Variants in MEI4 observed in about 807,000 individuals in gnomAD.
MEI4 encodes the protein meiotic double-stranded break formation protein 4.
A neutral mutation model predicts 31.4 loss-of-function variants in MEI4; 27 were observed. The ratio of observed to expected loss-of-function variants is 0.86; its 90% confidence interval spans 0.63 to 1.19. MEI4 has a LOEUF of 1.19. MEI4 is among the 50% of genes most tolerant of loss of function. The pLI, the probability that MEI4 is intolerant of heterozygous loss-of-function variation, is 0.00. For synonymous variants in MEI4, 122 were observed against 145.4 expected (o/e 0.84, Z 1.16); for missense variants, 329 against 398.9 (o/e 0.82, Z 1.49).
At chr6:77,716,819 AAGG>A (rs1255228441) in intron 2 of MEI4, 8 of 956,492 alleles carry the variant, frequency 8.4e-6, no homozygotes, top group Non-Finnish European at 1.0e-5. Context: ...GAAGTTGAAC[AAGG>A]AGAATATTTT....
At position 77,838,837 on chromosome 6, in the gene MEI4, AG is replaced by A. The variant is rs1356930602; in HGVS notation, c.900+9777del. Reference sequence around the variant, plus strand: ...AGAATCACTTGAACCCAGGAGGCAGAGGTTGCTGTGAACTGAGATCGTGCCA... The same window carrying A: ...AGAATCACTTGAACCCAGGAGGCAGAGTTGCTGTGAACTGAGATCGTGCCA... On this transcript the variant is annotated intron_variant, in intron 4 of 4. Transcript: ENST00000684080. Among the ~76,000 whole-genome samples the A allele has an allele frequency of 5.3e-5, 8 of 152,028 alleles. No homozygotes were observed. The East Asian group carries it at 7.8e-4, about 15-fold the overall frequency.
chr6:77,845,714 T>C (rs1770465790), intron 4 of MEI4, among the ~76,000 whole-genome samples: 3 of 152,164 alleles, frequency 2.0e-5, no homozygotes. Context: ...TAATCTACTT[T>C]TATTATGTAT....
intron 2 of MEI4, among the ~76,000 whole-genome samples, chr6:77,733,528 A>G (rs142362020): frequency 0.011 from 1,688 of 151,250 alleles, 42 homozygotes; most frequent in African/African-American, 0.039. Context: ...TTTTTTCTTT[A>G]TTAGTCTTGC....
At chr6:77,730,662 AC>A (rs1766957103) in intron 2 of MEI4, among the ~76,000 whole-genome samples, 1 of 151,804 alleles carries the variant, frequency 6.6e-6, no homozygotes, top group Non-Finnish European at 1.5e-5. Context: ...GTTTTAGGGT[AC>A]ACGTGCACAA....
chr6:77,702,557 T>C (rs2127657034), intron 2 of MEI4, among the ~76,000 whole-genome samples: 1 of 152,338 alleles, frequency 6.6e-6, no homozygotes, highest in South Asian at 2.1e-4. Context: ...TCTGCATTTC[T>C]CTCCATTCCT....
intron 4 of MEI4, among the ~76,000 whole-genome samples, chr6:77,841,333 A>ATATTTTCT: frequency 3.6e-5 from 1 of 27,748 alleles, no homozygotes; most frequent in Non-Finnish European, 5.2e-5. Context: ...ATATATATAT[A>ATATTTTCT]TTTTTTTTTT....
chr6:77,667,501 A>G (rs145470180), intron 1 of MEI4, among the ~76,000 whole-genome samples: 1 of 152,252 alleles, frequency 6.6e-6, no homozygotes, highest in Non-Finnish European at 1.5e-5. Context: ...ACAACCCTTT[A>G]TCATTTGGCA....
At position 77,871,561 on chromosome 6, in the gene MEI4, G is replaced by A. The variant is rs75184137; in HGVS notation, c.900+42499G>A. On this transcript the variant is annotated intron_variant, in intron 4 of 4. Transcript: ENST00000684080. ...AGACTACTAGCAGGGAGAGAGGGAG[G>A]AGGGCAAGGGCTGAAAAACTATCTA... Among the ~76,000 whole-genome samples the A allele has an allele frequency of 4.3e-3, 658 of 152,136 alleles. 2 individuals are homozygous for A. The highest frequency in any genetic ancestry group is 0.017 in the Middle Eastern group (5 of 294).
chr6:77,721,837 T>C lies in MEI4; in HGVS notation c.232+30934T>C, dbSNP rs1177862342. ...ATCAGATGCTATTGCCAGTCCAGCA[T>C]TGGCAACCTCTGCTTGCAGAAATGT... On this transcript the variant is annotated intron_variant, in intron 2 of 4. Coordinates refer to ENST00000684080, the MANE Select transcript of MEI4 (RefSeq NM_001322247.2). Among the ~76,000 whole-genome samples, 15 of 83,332 alleles carry C rather than the reference T, an allele frequency of 1.8e-4. No homozygotes were observed. In the East Asian group the frequency reaches 4.9e-3, roughly 27 times the overall value. 54.7% of individuals were successfully genotyped at this position (83,332 alleles called of 152,430 possible).
intron 3 of MEI4, among the ~76,000 whole-genome samples, chr6:77,802,107 G>T (rs559625754): frequency 6.6e-6 from 1 of 152,256 alleles, no homozygotes; most frequent in African/African-American, 2.4e-5. Flanking sequence ...GGGAGTCTAA[G>T]TCTCTTTGTA....
At chr6:77,887,118 C>T (rs1771638854) in intron 4 of MEI4, among the ~76,000 whole-genome samples, 1 of 150,958 alleles carries the variant, frequency 6.6e-6, no homozygotes, top group Non-Finnish European at 1.5e-5. Flanking sequence ...CTGAGCGCTG[C>T]CTTTGCAGAA....
rs1239589008 is a variant in MEI4, at chr6:77,841,333, A to ATTTTTTTTTTTTTT, written c.900+12281_900+12294dup. Among the ~76,000 whole-genome samples the ATTTTTTTTTTTTTT allele has an allele frequency of 1.1e-4, 3 of 27,736 alleles. 1 individual carries two copies. Among genetic ancestry groups the ATTTTTTTTTTTTTT allele is most frequent in the African/African-American group, 6.5e-4 (2 of 3,074 alleles). The allele number at this position is 27,736 out of a possible 152,430, so 18.2% of individuals were successfully genotyped here. On this transcript the variant is annotated intron_variant, in intron 4 of 4. Coordinates refer to ENST00000684080, the MANE Select transcript of MEI4 (RefSeq NM_001322247.2). The stretch of plus-strand genomic sequence containing the variant: ...TGTGTGCATATATATATATATATAT[A>ATTTTTTTTTTTTTT]TTTTTTTTTTTTTTTTTTTTTTTGA...
chr6:77,741,234 G>A (rs557744773), intron 2 of MEI4, among the ~76,000 whole-genome samples: 1 of 152,292 alleles, frequency 6.6e-6, no homozygotes, highest in African/African-American at 2.4e-5. Context: ...GGGAAGGCTG[G>A]AGAAGGACGA....
At chr6:77,831,808 A>T (rs9294088) in intron 4 of MEI4, among the ~76,000 whole-genome samples, 125,401 of 151,850 alleles carry the variant, frequency 0.83, 52,302 homozygotes, top group East Asian at 0.95. Context: ...ATAGAAGGAA[A>T]AAGTTCTAGT....
At chr6:77,919,871 C>T (rs1298740706) in intron 4 of MEI4, among the ~76,000 whole-genome samples, 2 of 150,180 alleles carry the variant, frequency 1.3e-5, no homozygotes, top group Non-Finnish European at 3.0e-5. Flanking sequence ...CTACAAACAC[C>T]TCTACGCAAA....
intron 2 of MEI4, among the ~76,000 whole-genome samples, chr6:77,760,580 T>C (rs1305978222): frequency 1.3e-5 from 2 of 152,192 alleles, no homozygotes; most frequent in African/African-American, 4.8e-5. Flanking sequence ...GTTGTATTTA[T>C]GCGTTTACAT....
intron 3 of MEI4, among the ~76,000 whole-genome samples, chr6:77,818,436 A>T (rs1769740003): frequency 1.3e-5 from 2 of 152,170 alleles, no homozygotes; most frequent in South Asian, 4.1e-4. Context: ...AAACAGAAAC[A>T]TCAACACCAG....
At chr6:77,756,116 G>A (rs1767910061) in intron 2 of MEI4, among the ~76,000 whole-genome samples, 1 of 152,026 alleles carries the variant, frequency 6.6e-6, no homozygotes, top group South Asian at 2.1e-4. Flanking sequence ...AATAGAATCT[G>A]GTTGTAGTTA....
intron 4 of MEI4, among the ~76,000 whole-genome samples, chr6:77,868,759 A>G (rs1314518294): frequency 6.6e-6 from 1 of 151,968 alleles, no homozygotes; most frequent in Non-Finnish European, 1.5e-5. Context: ...CACTCTCCCA[A>G]GAATGAACCT....
Sources: allele counts gnomAD v4.1 joint callset (sites outside exome capture counted in the v4.1 genomes callset), GRCh38; gene constraint gnomAD v4.1.1; transcripts MANE v1.5; gene names NCBI Gene and HGNC (gene_info 2026-07-23, HGNC 2026-07-21).